The following GGCX variants were observed in gnomAD, a reference collection of about 807,000 sequenced individuals.
GGCX encodes the protein gamma-glutamyl carboxylase.
Under a neutral mutation model 88.5 loss-of-function variants are expected in GGCX, and 63 were observed. The observed-to-expected ratio is 0.71, with a 90% CI of 0.58 to 0.88. The LOEUF (loss-of-function observed/expected upper bound fraction) is 0.88, where lower values mean the gene tolerates loss of function less well. Ranked by LOEUF, GGCX falls within the 40% of genes least tolerant of loss-of-function variation. The probability of loss-of-function intolerance (pLI) is 0.00; values close to 1 mark genes in which losing one functional copy is unlikely to be tolerated. For missense variants in GGCX, 805 were observed against 932.9 expected, an observed-to-expected ratio of 0.86 and a Z score of 1.79; for synonymous variants, 368 against 365.8, an observed-to-expected ratio of 1.01 and a Z score of -0.07.
chr2:85,551,615 C>G lies in GGCX; in HGVS notation c.1610-5G>C, dbSNP rs770124279. 6.2e-7 allele frequency: 1 copy of G among 1,613,188 alleles called. No individual in the cohort carries two copies. Among genetic ancestry groups the G allele is most frequent in the South Asian group, 1.1e-5 (1 of 91,086 alleles). The stretch of plus-strand genomic sequence containing the variant: ...CAAAATTCTCCAAGTGCAGTCCTGC[C>G]AGACCAACAGAGTTCATCATCCCAC... On this transcript the variant is annotated splice_region_variant and splice_polypyrimidine_tract_variant and intron_variant, in intron 11 of 14. Coordinates refer to ENST00000233838, the MANE Select transcript of GGCX (RefSeq NM_000821.7).
intron 7 of GGCX, 140 bp from the exon 8 acceptor site, chr2:85,553,637 T>A: frequency 1.2e-6 from 1 of 817,786 alleles, no homozygotes; most frequent in Non-Finnish European, 2.0e-6. Flanking sequence ...TCTTTCTCTG[T>A]CGCCCAGGCT....
intron 9 of GGCX, 75 bp downstream of exon 9, chr2:85,552,864 G>A (rs200077425): frequency 2.6e-6 from 4 of 1,512,966 alleles, no homozygotes; most frequent in Non-Finnish European, 3.7e-6. Flanking sequence ...TTTATGGTGT[G>A]TGTAAGACAA....
At position 85,546,049 on chromosome 2, in the gene GGCX, G is replaced by A. The variant is rs1691646412; in HGVS notation, c.*3885C>T. 2 of 152,322 alleles carry A rather than the reference G, an allele frequency of 1.3e-5. No homozygotes were observed. Among genetic ancestry groups the A allele is most frequent in the South Asian group, 4.1e-4 (2 of 4,826 alleles). The allele number at this position is 152,322 out of a possible 1,614,324, so 9.4% of individuals were successfully genotyped here. On this transcript the variant is annotated 3_prime_UTR_variant, in exon 15 of 15. Transcript: ENST00000233838. The stretch of plus-strand genomic sequence containing the variant: ...ACATTTCTACCAACATCTGAATGGT[G>A]GTCCAGCTTGTCCTGCAAATGTAGA...
At position 85,551,584 on chromosome 2, in the gene GGCX, C is replaced by T. The variant is rs947143910; in HGVS notation, c.1636G>A (p.Glu546Lys). 2.5e-6 allele frequency: 4 copies of T among 1,613,880 alleles called. No homozygotes were observed. Among genetic ancestry groups the T allele is most frequent in the Non-Finnish European group, 2.5e-6 (3 of 1,180,002 alleles). ...TGGATGCTAGTGTTGCCCAGGTCTT[C>T]ACTCACAAAATTCTCCAAGTGCAGT... ...PGLHLENFVSEDLGNTSIQLL... is the reference protein window; with the variant it reads ...PGLHLENFVSKDLGNTSIQLL... The change falls in exon 12 of 15, where the codon GAA becomes AAA. Residue 546 changes from glutamate (E) to lysine (K), a missense_variant. By Grantham distance (56) the Glu-to-Lys change is moderately conservative. Coordinates refer to ENST00000233838, the MANE Select transcript of GGCX (RefSeq NM_000821.7).
intron 10 of GGCX, 51 bp from the exon 11 acceptor site, chr2:85,552,032 G>A: frequency 1.5e-6 from 2 of 1,361,980 alleles, no homozygotes; most frequent in Non-Finnish European, 2.1e-6. Context: ...CCACCCACCA[G>A]AACTTCCAGT....
chr2:85,560,674 T>C (rs531808463), intron 2 of GGCX, 141 bp downstream of exon 2: 7 of 791,084 alleles, frequency 8.8e-6, no homozygotes, highest in Admixed American at 1.8e-5. Flanking sequence ...GGTTTAATCC[T>C]AAACTTCGCA....
At chr2:85,558,296 C>T in intron 4 of GGCX, 144 bp downstream of exon 4, 1 of 751,800 alleles carries the variant, frequency 1.3e-6, no homozygotes, top group Non-Finnish European at 2.3e-6. Flanking sequence ...GCCCTTTCCC[C>T]TCCCAAATCC....
rs866838745 is a variant in GGCX at position 85,561,282 on chromosome 2, C to A, written c.43+104G>T. 9.5e-5 allele frequency: 61 copies of A among 639,432 alleles called. 1 individual carries two copies. The highest frequency in any genetic ancestry group is 4.2e-4 in the Middle Eastern group (1 of 2,382). 39.6% of individuals were successfully genotyped at this position (639,432 alleles called of 1,614,324 possible). ...CACGCCCCCTTCCCCACAGAGGACC[C>A]CCCCCCCGCCTCACCGGGAGACACT... On this transcript the variant is annotated intron_variant, in intron 1 of 14. Transcript: ENST00000233838.
At chr2:85,556,514 T>C (rs1692208657) in intron 4 of GGCX, among the ~76,000 whole-genome samples, 2 of 152,140 alleles carry the variant, frequency 1.3e-5, no homozygotes, top group Admixed American at 1.3e-4. Flanking sequence ...TTTGTTCTAA[T>C]GGATCAAATC....
intron 2 of GGCX, among the ~76,000 whole-genome samples, chr2:85,559,440 CG>C (rs1203091482): frequency 6.6e-6 from 1 of 150,954 alleles, no homozygotes; most frequent in Non-Finnish European, 1.5e-5. Flanking sequence ...AGGCCAGGCA[CG>C]GTGGCTCACG....
rs1692193666 is a variant in GGCX, at chr2:85,556,164, T to C, written c.618+18A>G. The stretch of plus-strand genomic sequence containing the variant: ...ATGGCTGTCAAGGAGCTCCTCCCTC[T>C]GTCCTAAAATGCTGTACCTGGCCAC... On this transcript the variant is annotated intron_variant, in intron 5 of 14. Coordinates refer to ENST00000233838, the MANE Select transcript of GGCX (RefSeq NM_000821.7). 2.0e-6 allele frequency: 3 copies of C among 1,535,338 alleles called. No individual in the cohort carries two copies. In the South Asian group the frequency reaches 3.3e-5, roughly 17 times the overall value.
intron 2 of GGCX, among the ~76,000 whole-genome samples, chr2:85,560,093 G>C (rs1692365965): frequency 6.6e-6 from 1 of 152,156 alleles, no homozygotes; most frequent in Admixed American, 6.5e-5. Context: ...GAACTACTGG[G>C]CTAAGGGGAC....
rs1224557747 is a variant in GGCX at position 85,545,598 on chromosome 2, AT to A, written c.*4335del. On this transcript the variant is annotated 3_prime_UTR_variant, in exon 15 of 15. Coordinates refer to ENST00000233838, the MANE Select transcript of GGCX (RefSeq NM_000821.7). ...GGCATTTTTTAAAAGCCTAAGCAAG[AT>A]TTAGTCCTCCTAGTCCACTTAAGCC... 6.6e-6 allele frequency: 1 copy of A among 152,152 alleles called. No homozygotes were observed. The highest frequency in any genetic ancestry group is 2.4e-5 in the African/African-American group (1 of 41,414). The allele number at this position is 152,152 out of a possible 1,614,324, so 9.4% of individuals were successfully genotyped here. A position where few individuals can be genotyped will look rare whatever the true frequency, so the allele number is the denominator to read the frequency against.
Position 85,561,417 on chromosome 2 carries a change from A to G in GGCX, c.12T>C (p.Ser4=). Residue 4 remains serine, a synonymous_variant, in exon 1 of 15, where the codon TCT becomes TCC. Coordinates refer to ENST00000233838, the MANE Select transcript of GGCX (RefSeq NM_000821.7). MAV[S]AGSARTSPSS... is the part of the protein sequence containing the mutation. ...TGGGCGAGGTCCGCGCGGACCCGGC[A>G]GACACCGCCATTGCTCTGCGGAGGA... 1 of 1,571,582 alleles carries G rather than the reference A, an allele frequency of 6.4e-7. No individual in the cohort carries two copies. The highest frequency in any genetic ancestry group is 1.2e-5 in the South Asian group (1 of 85,654).
chr2:85,556,024 T>C lies in GGCX; in HGVS notation c.618+158A>G, dbSNP rs28613222. On this transcript the variant is annotated intron_variant, in intron 5 of 14. Coordinates refer to ENST00000233838, the MANE Select transcript of GGCX (RefSeq NM_000821.7). ...ATAAGATAATTCAGAGATTAAGGGA[T>C]TGGAAAAAATGAGAAGCCAGCCTAG... 6.5e-3 allele frequency among the ~76,000 whole-genome samples: 957 copies of C among 146,676 alleles called. 29 individuals carry two copies. The highest frequency in any genetic ancestry group is 0.055 in the Admixed American group (814 of 14,814).
chr2:85,552,645 C>T (rs910931688), intron 9 of GGCX, 78 bp from the exon 10 acceptor site: 32 of 1,360,936 alleles, frequency 2.4e-5, no homozygotes, highest in South Asian at 5.8e-5. Context: ...AATGGCACAA[C>T]GAGATCCCTG....
rs934603364 is a variant in GGCX, at chr2:85,546,653, G to C, written c.*3281C>G. On this transcript the variant is annotated 3_prime_UTR_variant, in exon 15 of 15. Transcript: ENST00000233838. ...CAGGAGGCAGAGGTTGCAGTGAGCCGAGATGGCGCCATTGCACTCCAGCCT... is the reference window on the plus strand; with the variant it reads ...CAGGAGGCAGAGGTTGCAGTGAGCCCAGATGGCGCCATTGCACTCCAGCCT... 1 of 152,362 alleles carries C rather than the reference G, an allele frequency of 6.6e-6. No individual in the cohort carries two copies. Among genetic ancestry groups the C allele is most frequent in the African/African-American group, 2.4e-5 (1 of 41,456 alleles). The allele number at this position is 152,362 out of a possible 1,614,324, so 9.4% of individuals were successfully genotyped here.
Position 85,561,483 on chromosome 2 carries a change from CAGG to C in GGCX, c.-58_-56del. ...GCTGCCGCGTCTGAACGGAGGCCGCCAGGAGAATTTGCTTCCCTAGGCTCCGCC... is the reference window on the plus strand; with the variant it reads ...GCTGCCGCGTCTGAACGGAGGCCGCCAGAATTTGCTTCCCTAGGCTCCGCC... On this transcript the variant is annotated 5_prime_UTR_variant, in exon 1 of 15. Coordinates refer to ENST00000233838, the MANE Select transcript of GGCX (RefSeq NM_000821.7). 1.4e-6 allele frequency: 2 copies of C among 1,379,618 alleles called. No individual in the cohort carries two copies. The highest frequency in any genetic ancestry group is 2.0e-5 in the Admixed American group (1 of 49,296). 85.5% of individuals were successfully genotyped at this position (1,379,618 alleles called of 1,614,324 possible).
intron 2 of GGCX, among the ~76,000 whole-genome samples, chr2:85,560,361 C>T (rs1176117081): frequency 6.6e-6 from 1 of 152,014 alleles, no homozygotes; most frequent in Non-Finnish European, 1.5e-5. Flanking sequence ...CCGAGGCAGG[C>T]GGATCACCTG....
Sources: allele counts gnomAD v4.1 joint callset (sites outside exome capture counted in the v4.1 genomes callset), GRCh38; gene constraint gnomAD v4.1.1; transcripts MANE v1.5; gene names NCBI Gene and HGNC (gene_info 2026-07-23, HGNC 2026-07-21).